Variants in SNCAIP observed in about 807,000 individuals in gnomAD.
SNCAIP encodes synphilin-1.
SNCAIP carries 43 observed loss-of-function variants against 86.7 expected under a neutral mutation model. The observed-to-expected ratio is 0.50, with a 90% CI of 0.39 to 0.64. The LOEUF is 0.64. Among genes scored for constraint, SNCAIP ranks in the 30% least tolerant of loss-of-function variants. The pLI is 0.00. For synonymous variants in SNCAIP, 417 were observed against 427.2 expected (o/e 0.98, Z 0.29); for missense variants, 981 against 1,103.1 (o/e 0.89, Z 1.57).
intron 1 of SNCAIP, among the ~76,000 whole-genome samples, chr5:122,367,916 A>G (rs1391811838): frequency 1.3e-5 from 2 of 152,182 alleles, no homozygotes; most frequent in Non-Finnish European, 2.9e-5. Flanking sequence ...ATAAGTGTAT[A>G]CATACACACA....
At chr5:122,460,674 A>G (rs1425495245) in intron 10 of SNCAIP, among the ~76,000 whole-genome samples, 1 of 152,206 alleles carries the variant, frequency 6.6e-6, no homozygotes, top group Non-Finnish European at 1.5e-5. Context: ...AATATTAATC[A>G]CAAGGACTCA....
At chr5:122,343,789 T>G (rs1758055173) in intron 1 of SNCAIP, among the ~76,000 whole-genome samples, 1 of 152,172 alleles carries the variant, frequency 6.6e-6, no homozygotes, top group Admixed American at 6.5e-5. Context: ...CAGTTGTCAT[T>G]GCCAAAAATG....
intron 1 of SNCAIP, among the ~76,000 whole-genome samples, chr5:122,380,194 A>T (rs907277468): frequency 6.6e-6 from 1 of 152,152 alleles, no homozygotes; most frequent in African/African-American, 2.4e-5. Context: ...TTGGTAAACT[A>T]TTGATTATTG....
chr5:122,394,731 C>T (rs193072975), intron 2 of SNCAIP, among the ~76,000 whole-genome samples: 8 of 152,292 alleles, frequency 5.3e-5, no homozygotes, highest in Admixed American at 2.0e-4. Context: ...AATAGTTTCA[C>T]ACACAGGACT....
At chr5:122,365,807 G>A (rs1456139489) in intron 1 of SNCAIP, among the ~76,000 whole-genome samples, 2 of 152,196 alleles carry the variant, frequency 1.3e-5, no homozygotes, top group African/African-American at 4.8e-5. Context: ...GGGTTATGGT[G>A]AACAAGCCAA....
intron 1 of SNCAIP, among the ~76,000 whole-genome samples, chr5:122,355,042 A>T (rs1171805956): frequency 1.3e-5 from 2 of 152,204 alleles, no homozygotes; most frequent in African/African-American, 2.4e-5. Context: ...TAGTATAAAA[A>T]ACTTTGTGTG....
intron 1 of SNCAIP, among the ~76,000 whole-genome samples, chr5:122,354,515 C>A (rs568550184): frequency 3.9e-5 from 6 of 152,228 alleles, no homozygotes; most frequent in Non-Finnish European, 8.8e-5. Flanking sequence ...GTCAATGAGG[C>A]TTAGAGCCCA....
chr5:122,323,105 C>A (rs1476841918), intron 1 of SNCAIP, among the ~76,000 whole-genome samples: 1 of 152,054 alleles, frequency 6.6e-6, no homozygotes, highest in Non-Finnish European at 1.5e-5. Flanking sequence ...GTGTTTTAAC[C>A]ATAGAATTCC....
intron 6 of SNCAIP, among the ~76,000 whole-genome samples, chr5:122,436,058 A>G (rs780268868): frequency 6.6e-6 from 1 of 152,160 alleles, no homozygotes; most frequent in East Asian, 1.9e-4. Context: ...GTCAGGGGTC[A>G]TGAGGGGATG....
At chr5:122,405,338 CT>C (rs1479070679) in intron 3 of SNCAIP, among the ~76,000 whole-genome samples, 1 of 152,124 alleles carries the variant, frequency 6.6e-6, no homozygotes, top group African/African-American at 2.4e-5. Flanking sequence ...ACAAGATTTT[CT>C]TTTTTCTTTA....
At chr5:122,397,881 A>T (rs575863631) in intron 2 of SNCAIP, among the ~76,000 whole-genome samples, 1 of 152,262 alleles carries the variant, frequency 6.6e-6, no homozygotes, top group East Asian at 1.9e-4. Context: ...AACTAAGGGA[A>T]CTAAAAAGAC....
chr5:122,365,018 G>C (rs1176202846), intron 1 of SNCAIP, among the ~76,000 whole-genome samples: 1 of 152,166 alleles, frequency 6.6e-6, no homozygotes, highest in Non-Finnish European at 1.5e-5. Flanking sequence ...ACTAGAGTTT[G>C]AACATAAAAT....
chr5:122,440,205 G>A (rs763067568), intron 6 of SNCAIP, among the ~76,000 whole-genome samples: 30 of 152,170 alleles, frequency 2.0e-4, no homozygotes, highest in Non-Finnish European at 3.2e-4. Context: ...ACAATTCAAG[G>A]TTTTATGGTA....
chr5:122,429,191 C>T (rs1777918455), intron 5 of SNCAIP, among the ~76,000 whole-genome samples: 1 of 151,424 alleles, frequency 6.6e-6, no homozygotes, highest in Admixed American at 6.6e-5. Context: ...AGATTTGTAG[C>T]TGTAAATGCC....
At chr5:122,345,123 A>C (rs1426956514) in intron 1 of SNCAIP, among the ~76,000 whole-genome samples, 2 of 152,218 alleles carry the variant, frequency 1.3e-5, no homozygotes, top group African/African-American at 4.8e-5. Flanking sequence ...TTATATGACA[A>C]GAATCACATC....
chr5:122,311,638 T>C (rs1212027977), upstream of SNCAIP: 3 of 148,250 alleles, frequency 2.0e-5, no homozygotes, highest in Non-Finnish European at 4.5e-5. Flanking sequence ...GAGGGGGCGA[T>C]TTCCAGGGGG....
chr5:122,357,123 C>T (rs1761179977), intron 1 of SNCAIP, among the ~76,000 whole-genome samples: 1 of 152,184 alleles, frequency 6.6e-6, no homozygotes, highest in Admixed American at 6.5e-5. Context: ...CACCTTAATG[C>T]TTTTGCCCTT....
chr5:122,412,816 T>G (rs1051819118), intron 3 of SNCAIP, among the ~76,000 whole-genome samples: 2 of 152,248 alleles, frequency 1.3e-5, no homozygotes, highest in Non-Finnish European at 2.9e-5. Context: ...CTCAGTGAAC[T>G]GCACTCTGCT....
chr5:122,456,227 G>C (rs1784719630), intron 10 of SNCAIP, among the ~76,000 whole-genome samples: 1 of 152,232 alleles, frequency 6.6e-6, no homozygotes, highest in Admixed American at 6.5e-5. Flanking sequence ...AACACCATTA[G>C]TGTGGGTTTT....
Sources: gnomAD v4.1 joint callset for allele counts (sites outside exome capture counted in the v4.1 genomes callset) on GRCh38, gnomAD v4.1.1 for gene constraint, MANE v1.5 for transcripts, NCBI Gene and HGNC (gene_info 2026-07-23, HGNC 2026-07-21) for gene names.